The following RTN4 variants were observed in gnomAD, a reference collection of about 807,000 sequenced individuals.
RTN4 encodes reticulon 4.
RTN4 carries 32 observed loss-of-function variants against 90.4 expected under a neutral mutation model. That is an observed-to-expected ratio of 0.35 (90% CI 0.27 to 0.48). The LOEUF (loss-of-function observed/expected upper bound fraction) is 0.48, where lower values mean the gene tolerates loss of function less well. Among genes scored for constraint, RTN4 ranks in the 20% least tolerant of loss-of-function variants. The pLI is 0.99. For synonymous variants in RTN4, 629 were observed against 552.5 expected, an observed-to-expected ratio of 1.14 and a Z score of -1.94; for missense variants, 1,706 against 1,430.2, an observed-to-expected ratio of 1.19 and a Z score of -3.11.
Position 55,025,595 on chromosome 2 carries a change from A to C in RTN4, c.2504T>G (p.Leu835Arg), listed in dbSNP as rs1166507604. Residue 835 changes from leucine to arginine, a missense_variant, in exon 3 of 9, where the codon CTC becomes CGC. By Grantham distance (102) the Leu-to-Arg change is moderately radical. Coordinates refer to ENST00000337526, the MANE Select transcript of RTN4 (RefSeq NM_020532.5). ...ATCATTTGAATAAACTGCAGTACTG[A>C]GCTCCTCCATCTGCAAAGGAATTTT... is the stretch of plus-strand genomic sequence containing the variant. ...KEKIPLQMEELSTAVYSNDDL... is the reference protein window; with the variant it reads ...KEKIPLQMEERSTAVYSNDDL... 1 of 1,613,538 alleles carries C rather than the reference A, an allele frequency of 6.2e-7. No individual in the cohort carries two copies.
chr2:55,104,254 AC>A (rs1667903650), intron 1 of RTN4, among the ~76,000 whole-genome samples: 1 of 151,200 alleles, frequency 6.6e-6, no homozygotes, highest in South Asian at 2.1e-4. Flanking sequence ...ACAGGGTTTC[AC>A]CATGTGGGCC....
chr2:54,980,116 T>C (rs539074393), intron 5 of RTN4, among the ~76,000 whole-genome samples: 132 of 152,366 alleles, frequency 8.7e-4, no homozygotes, highest in East Asian at 2.1e-3. Flanking sequence ...TCAAGTTCGA[T>C]TTCTCTCATT....
intron 2 of RTN4, among the ~76,000 whole-genome samples, chr2:55,069,275 C>T (rs567951553): frequency 4.6e-5 from 7 of 152,256 alleles, no homozygotes; most frequent in Non-Finnish European, 8.8e-5. Flanking sequence ...TATGAAAGTT[C>T]TAACCTTTAT....
At position 55,026,121 on chromosome 2, in the gene RTN4, C is replaced by T. The variant is rs373548844; in HGVS notation, c.1978G>A (p.Glu660Lys). ...KHEPENPPPYEEAMSVSLKKV... is the reference protein window; with the variant it reads ...KHEPENPPPYKEAMSVSLKKV... ...TTTAGTGATACACTCATGGCCTCTT[C>T]ATATGGTGGGGGGTTTTCAGGCTCA... Residue 660 changes from glutamate to lysine, a missense_variant, in exon 3 of 9, where the codon GAA becomes AAA. Glu to Lys is a moderately conservative substitution (Grantham distance 56, BLOSUM62 1). Coordinates refer to ENST00000337526, the MANE Select transcript of RTN4 (RefSeq NM_020532.5). 6.2e-7 allele frequency: 1 copy of T among 1,613,444 alleles called. No homozygotes were observed. Among genetic ancestry groups the T allele is most frequent in the African/African-American group, 1.3e-5 (1 of 74,966 alleles).
chr2:55,077,928 C>T (rs2968824), intron 2 of RTN4, among the ~76,000 whole-genome samples: 138,397 of 152,040 alleles, frequency 0.91, 63,081 homozygotes, highest in African/African-American at 0.95. Flanking sequence ...AGACATTGTA[C>T]GTTCTCACTC....
intron 2 of RTN4, among the ~76,000 whole-genome samples, chr2:55,076,386 GT>G (rs1344538497): frequency 1.3e-5 from 1 of 76,250 alleles, no homozygotes; most frequent in Non-Finnish European, 2.7e-5. Context: ...AATTTCTTTT[GT>G]TCTTTTTTTT....
At chr2:54,999,776 T>C (rs796724160) in intron 3 of RTN4, among the ~76,000 whole-genome samples, 8 of 152,242 alleles carry the variant, frequency 5.3e-5, no homozygotes, top group African/African-American at 1.9e-4. Context: ...AATTCAGAAT[T>C]GAACATTTAG....
At chr2:55,030,326 GA>G (rs562862228) in intron 1 of RTN4, among the ~76,000 whole-genome samples, 2 of 151,810 alleles carry the variant, frequency 1.3e-5, no homozygotes, top group East Asian at 1.9e-4. Flanking sequence ...TTATGTTTAA[GA>G]AAAAAAGAAA....
At chr2:55,081,928 G>T (rs1409366216) in intron 1 of RTN4, among the ~76,000 whole-genome samples, 2 of 150,192 alleles carry the variant, frequency 1.3e-5, no homozygotes, top group Non-Finnish European at 2.9e-5. Flanking sequence ...AATCAAGATT[G>T]CTAATTCATT....
At chr2:55,004,664 TG>T in intron 3 of RTN4, among the ~76,000 whole-genome samples, 1 of 152,164 alleles carries the variant, frequency 6.6e-6, no homozygotes. Context: ...TAAACCTGGC[TG>T]AACAATGGAG....
At chr2:55,111,924 G>A (rs879601321) in intron 1 of RTN4, among the ~76,000 whole-genome samples, 14 of 152,148 alleles carry the variant, frequency 9.2e-5, no homozygotes, top group African/African-American at 2.2e-4. Context: ...GTTGAAATCC[G>A]CCTCTGTGGG....
chr2:55,000,967 C>T (rs1379142752), intron 3 of RTN4, among the ~76,000 whole-genome samples: 1 of 149,556 alleles, frequency 6.7e-6, no homozygotes, highest in East Asian at 1.9e-4. Context: ...TTGTTCTCAC[C>T]TTAAAAATAA....
intron 3 of RTN4, among the ~76,000 whole-genome samples, chr2:54,999,068 C>T (rs1679665303): frequency 2.0e-5 from 3 of 152,060 alleles, no homozygotes; most frequent in Admixed American, 2.0e-4. Context: ...TTATGAATTG[C>T]TAAAAATAAT....
At chr2:55,034,942 T>C (rs1285606350) in intron 1 of RTN4, among the ~76,000 whole-genome samples, 1 of 152,140 alleles carries the variant, frequency 6.6e-6, no homozygotes, top group Admixed American at 6.5e-5. Flanking sequence ...TATGATAAAT[T>C]GAGAATGCAT....
At chr2:55,023,164 T>C (rs1681575195) in intron 3 of RTN4, among the ~76,000 whole-genome samples, 1 of 152,154 alleles carries the variant, frequency 6.6e-6, no homozygotes, top group Non-Finnish European at 1.5e-5. Flanking sequence ...TCAACTTTCT[T>C]GACTTACTGT....
chr2:55,028,274 G>A lies in RTN4; in HGVS notation c.557-54C>T, dbSNP rs1433696838. On this transcript the variant is annotated intron_variant, in intron 1 of 8. Transcript: ENST00000337526. Reference sequence around the variant, plus strand: ...CAGAAATAAAGACAGATTGAAAGGAGACTAAAGATAAGAGGAGCAAGCCAG... The same window carrying A: ...CAGAAATAAAGACAGATTGAAAGGAAACTAAAGATAAGAGGAGCAAGCCAG... 5.9e-6 allele frequency: 9 copies of A among 1,519,692 alleles called. No individual in the cohort carries two copies. In the Admixed American group the frequency reaches 1.3e-4, roughly 22 times the overall value. The allele number at this position is 1,519,692 out of a possible 1,614,324, so 94.1% of individuals were successfully genotyped here.
Position 54,993,075 on chromosome 2 carries a change from G to GA in RTN4, c.3014-5378dup, listed in dbSNP as rs61127530. On this transcript the variant is annotated intron_variant, in intron 3 of 8. Coordinates refer to ENST00000337526, the MANE Select transcript of RTN4 (RefSeq NM_020532.5). ...GGCAACAGAGCGAGACTCCATCTCG[G>GA]AAAAAAAAAAAAAAAAAAGAAAAGA... Among the ~76,000 whole-genome samples, 544 of 64,570 alleles carry GA rather than the reference G, an allele frequency of 8.4e-3. 3 individuals carry two copies. The highest frequency in any genetic ancestry group is 0.021 in the Admixed American group (127 of 5,940). 42.4% of individuals were successfully genotyped at this position (64,570 alleles called of 152,430 possible). A position where few individuals can be genotyped will look rare whatever the true frequency, so the allele number is the denominator to read the frequency against.
chr2:55,014,744 T>A (rs887814622), intron 3 of RTN4, among the ~76,000 whole-genome samples: 4 of 152,168 alleles, frequency 2.6e-5, no homozygotes, highest in African/African-American at 4.8e-5. Flanking sequence ...CTGGATCTCC[T>A]GACCTCGTGA....
In RTN4 at chr2:55,026,894, T is replaced by C; in HGVS notation, c.1205A>G (p.Asp402Gly). 6.2e-7 allele frequency: 1 copy of C among 1,613,846 alleles called. No individual in the cohort carries two copies. The highest frequency in any genetic ancestry group is 8.5e-7 in the Non-Finnish European group (1 of 1,179,882). Reference protein sequence around the residue: ...RVWEVKDSKEDSDMLAAGGKI... With the variant: ...RVWEVKDSKEGSDMLAAGGKI... ...ACCTCCAGCAGCCAACATATCACTA[T>C]CTTCCTTACTATCTTTCACTTCCCA... The change falls in exon 3 of 9, where the codon GAT becomes GGT. Residue 402 changes from aspartate to glycine, a missense_variant. By Grantham distance (94) the Asp-to-Gly change is moderately conservative (BLOSUM62 -1). Transcript: ENST00000337526.
Sources: allele counts gnomAD v4.1 joint callset (sites outside exome capture counted in the v4.1 genomes callset), GRCh38; gene constraint gnomAD v4.1.1; transcripts MANE v1.5; gene names NCBI Gene and HGNC (gene_info 2026-07-23, HGNC 2026-07-21).